FRMD4A: variants seen among roughly 807,000 people sequenced by gnomAD.
FRMD4A encodes FERM domain-containing protein 4A.
A neutral mutation model predicts 129.1 loss-of-function variants in FRMD4A; 29 were observed. The ratio of observed to expected loss-of-function variants is 0.22; its 90% CI spans 0.17 to 0.31. FRMD4A has a LOEUF of 0.31. Among genes scored for constraint, FRMD4A ranks in the 10% least tolerant of loss-of-function variants. The pLI, the probability that FRMD4A is intolerant of heterozygous loss-of-function variation, is 1.00. For synonymous variants in FRMD4A, 634 were observed against 571.6 expected, an observed-to-expected ratio of 1.11 and a Z score of -1.56; for missense variants, 1,272 against 1,375.8, an observed-to-expected ratio of 0.92 and a Z score of 1.19.
intron 2 of FRMD4A, among the ~76,000 whole-genome samples, chr10:14,201,410 G>C (rs992681084): frequency 3.3e-5 from 5 of 152,330 alleles, no homozygotes; most frequent in South Asian, 4.1e-4. Flanking sequence ...TGCCTGAGAA[G>C]TGGATTCTCT....
chr10:13,653,147 C>G (rs1468693363), intron 23 of FRMD4A: 1 of 151,920 alleles, frequency 6.6e-6, no homozygotes, highest in African/African-American at 2.4e-5. Context: ...AGCAAGCACT[C>G]AGTAAGTGTT....
At chr10:13,932,644 T>C (rs2095211309) in intron 2 of FRMD4A, among the ~76,000 whole-genome samples, 1 of 152,222 alleles carries the variant, frequency 6.6e-6, no homozygotes, top group African/African-American at 2.4e-5. Flanking sequence ...GACTACTCCC[T>C]GGGACTTACA....
intron 2 of FRMD4A, among the ~76,000 whole-genome samples, chr10:14,171,357 T>C (rs926588991): frequency 1.5e-4 from 23 of 152,174 alleles, no homozygotes; most frequent in African/African-American, 4.6e-4. Context: ...GATTGCATTA[T>C]ATATAAAAGG....
intron 2 of FRMD4A, among the ~76,000 whole-genome samples, chr10:14,082,103 T>C (rs949190522): frequency 6.6e-6 from 1 of 152,052 alleles, no homozygotes; most frequent in African/African-American, 2.4e-5. Flanking sequence ...AGAAATTAGC[T>C]GGGCATGGTG....
intron 2 of FRMD4A, among the ~76,000 whole-genome samples, chr10:14,201,257 C>T (rs1375394557): frequency 6.6e-6 from 1 of 152,240 alleles, no homozygotes. Context: ...CTTCCTGCAA[C>T]AGCGGCCTCT....
intron 2 of FRMD4A, chr10:13,971,626 A>G: frequency 8.0e-7 from 1 of 1,247,306 alleles, no homozygotes; most frequent in South Asian, 1.3e-5. Flanking sequence ...CCATGCTTCA[A>G]AGAAACGAAA....
chr10:14,245,429 G>A (rs1247119522), intron 2 of FRMD4A, among the ~76,000 whole-genome samples: 1 of 152,196 alleles, frequency 6.6e-6, no homozygotes, highest in Admixed American at 6.5e-5. Flanking sequence ...AGGTAGAGAG[G>A]AATGTCTAGA....
chr10:14,146,634 T>C lies in FRMD4A; in HGVS notation c.45+183424A>G, dbSNP rs377246486. Among the ~76,000 whole-genome samples the C allele has an allele frequency of 2.0e-5, 3 of 152,184 alleles. No homozygotes were observed. In the South Asian group the frequency reaches 6.2e-4, roughly 32 times the overall value. ...GCCCTCCCAGAACTGCCTGACTTTT[T>C]ACTTTCAGAATCCTTACTTATGACA... On this transcript the variant is annotated intron_variant, in intron 2 of 24. Transcript: ENST00000357447.
At chr10:14,184,487 ATGTT>A (rs1315128272) in intron 2 of FRMD4A, among the ~76,000 whole-genome samples, 8 of 109,200 alleles carry the variant, frequency 7.3e-5, no homozygotes, top group South Asian at 2.3e-4. Flanking sequence ...CTATTCTATT[ATGTT>A]AAAAAAAATG....
At chr10:13,900,780 C>A (rs2094810884) in intron 2 of FRMD4A, among the ~76,000 whole-genome samples, 1 of 151,948 alleles carries the variant, frequency 6.6e-6, no homozygotes, top group South Asian at 2.1e-4. Context: ...GCCTGTAATC[C>A]CAGCTACTCA....
rs551496495 is a variant in FRMD4A, at chr10:13,918,406, CA to C, written c.46-59495del. Among the ~76,000 whole-genome samples the C allele has an allele frequency of 2.6e-3, 394 of 152,078 alleles. 1 individual carries two copies. Among genetic ancestry groups the C allele is most frequent in the African/African-American group, 9.2e-3 (383 of 41,532 alleles). ...ATTTTAGAAACTTGAACTTTCAAAG[CA>C]GGATGTTAGAGTGGTTCATTTATTT... On this transcript the variant is annotated intron_variant, in intron 2 of 24. Coordinates refer to ENST00000357447, the MANE Select transcript of FRMD4A (RefSeq NM_018027.5).
intron 2 of FRMD4A, among the ~76,000 whole-genome samples, chr10:13,911,521 G>A (rs532168733): frequency 1.3e-5 from 2 of 152,238 alleles, no homozygotes; most frequent in South Asian, 4.1e-4. Context: ...ACCTGCAGAA[G>A]CCTAAAAACG....
intron 2 of FRMD4A, among the ~76,000 whole-genome samples, chr10:13,888,459 C>A (rs1370982709): frequency 6.6e-6 from 1 of 152,044 alleles, no homozygotes; most frequent in Non-Finnish European, 1.5e-5. Flanking sequence ...GTGGGGTGAA[C>A]CGATAAAAAT....
chr10:14,262,942 G>T (rs955906258), intron 2 of FRMD4A, among the ~76,000 whole-genome samples: 2 of 152,188 alleles, frequency 1.3e-5, no homozygotes, highest in Non-Finnish European at 2.9e-5. Flanking sequence ...AGCCATGAAA[G>T]AAGCAAACAA....
chr10:13,669,855 C>A (rs960151870), intron 17 of FRMD4A, among the ~76,000 whole-genome samples: 2 of 152,180 alleles, frequency 1.3e-5, no homozygotes, highest in Admixed American at 6.5e-5. Flanking sequence ...AAAGGATGGA[C>A]GTAGCTTCTC....
chr10:13,763,075 C>T (rs2092140010), intron 6 of FRMD4A, among the ~76,000 whole-genome samples: 1 of 152,060 alleles, frequency 6.6e-6, no homozygotes, highest in South Asian at 2.1e-4. Flanking sequence ...GAGACCACAC[C>T]CTGAATTATT....
rs1345505619 is a variant in FRMD4A at position 14,177,540 on chromosome 10, A to T, written c.45+152518T>A. The stretch of plus-strand genomic sequence containing the variant: ...AAAAAATATATCTCTGGTACAATTG[A>T]TTACCTGCCCCGCTGCCTCCTGGCC... On this transcript the variant is annotated intron_variant, in intron 2 of 24. Coordinates refer to ENST00000357447, the MANE Select transcript of FRMD4A (RefSeq NM_018027.5). 3.9e-5 allele frequency among the ~76,000 whole-genome samples: 6 copies of T among 152,144 alleles called. No homozygotes were observed. The East Asian group carries it at 1.2e-3, about 29-fold the overall frequency.
intron 2 of FRMD4A, among the ~76,000 whole-genome samples, chr10:13,868,875 C>T (rs527781221): frequency 1.3e-3 from 201 of 152,242 alleles, no homozygotes; most frequent in Admixed American, 0.01. Flanking sequence ...GCTTATACAC[C>T]AGATGGAAGT....
chr10:13,972,938 C>A (rs926310823), intron 2 of FRMD4A, among the ~76,000 whole-genome samples: 3 of 152,200 alleles, frequency 2.0e-5, no homozygotes, highest in Non-Finnish European at 1.5e-5. Flanking sequence ...TCTGTCTCTT[C>A]GACCTTAACT....
Sources: gnomAD v4.1 joint callset for allele counts (sites outside exome capture counted in the v4.1 genomes callset) on GRCh38, gnomAD v4.1.1 for gene constraint, MANE v1.5 for transcripts, NCBI Gene and HGNC (gene_info 2026-07-23, HGNC 2026-07-21) for gene names.